Variants in POLN observed in about 807,000 individuals in gnomAD.
POLN encodes the protein DNA polymerase N.
POLN carries 108 observed loss-of-function variants against 113.5 expected under a neutral mutation model. The observed-to-expected ratio is 0.95, with a 90% confidence interval of 0.81 to 1.12. The LOEUF is 1.12. Among genes scored for constraint, POLN ranks in the 50% most tolerant of loss-of-function variants. POLN has a pLI of 0.00. For synonymous variants in POLN, 386 were observed against 391.5 expected (o/e 0.99, Z 0.17); for missense variants, 1,097 against 1,077.1 (o/e 1.02, Z -0.26).
chr4:2,208,976 G>A (rs573185963), intron 4 of POLN, among the ~76,000 whole-genome samples: 8 of 151,132 alleles, frequency 5.3e-5, no homozygotes, highest in South Asian at 2.1e-4. Context: ...TGACAAGAGC[G>A]AAACTCTGTC....
chr4:2,096,443 G>GA (rs1217730399), intron 19 of POLN, among the ~76,000 whole-genome samples: 5 of 152,102 alleles, frequency 3.3e-5, no homozygotes, highest in African/African-American at 9.7e-5. Flanking sequence ...CTCAGCATCT[G>GA]ACTGGCATGT....
intron 12 of POLN, among the ~76,000 whole-genome samples, 161 bp downstream of exon 12, chr4:2,170,937 T>C (rs530573523): frequency 6.6e-6 from 1 of 152,348 alleles, no homozygotes; most frequent in East Asian, 1.9e-4. Context: ...TTAAAGGCTT[T>C]GAAGTAATGA....
intron 13 of POLN, among the ~76,000 whole-genome samples, chr4:2,159,487 T>TA (rs1732523700): frequency 1.3e-5 from 2 of 152,182 alleles, no homozygotes; most frequent in Admixed American, 6.5e-5. Flanking sequence ...CCAGGGTAGG[T>TA]AAAATAACAT....
chr4:2,213,666 A>G (rs1734044505), intron 3 of POLN, among the ~76,000 whole-genome samples: 1 of 152,216 alleles, frequency 6.6e-6, no homozygotes, highest in Non-Finnish European at 1.5e-5. Flanking sequence ...AGGAACAATA[A>G]CAACCTGAAA....
intron 16 of POLN, among the ~76,000 whole-genome samples, chr4:2,142,012 T>A (rs1252937460): frequency 6.6e-6 from 1 of 152,176 alleles, no homozygotes; most frequent in Non-Finnish European, 1.5e-5. Context: ...TCAGCACCTC[T>A]TCCAAGCCAA....
In POLN at chr4:2,081,020, G is replaced by A; in HGVS notation, c.2325C>T (p.Leu775=). The A allele has an allele frequency of 1.2e-6, 2 of 1,613,828 alleles. No homozygotes were observed. Among genetic ancestry groups the A allele is most frequent in the Non-Finnish European group, 1.7e-6 (2 of 1,179,978 alleles). ...AGACATGGATCATGGCCAGCTTGCA[G>A]AGGTCAGCAGCGGAGCCTATGGGGC... ...NFVVQGSAAD[L]CKLAMIHVFT... is the part of the protein sequence containing the mutation. Residue 775 remains leucine, a synonymous_variant, in exon 23 of 26, where the codon CTC becomes CTT. Coordinates refer to ENST00000511885, the MANE Select transcript of POLN (RefSeq NM_181808.4).
chr4:2,156,755 C>T (rs771300828), intron 16 of POLN, 33 bp downstream of exon 16: 35 of 1,565,244 alleles, frequency 2.2e-5, no homozygotes, highest in East Asian at 6.7e-5. Context: ...AGGAAAATGG[C>T]GTTTAACAAA....
chr4:2,171,211 A>G, intron 11 of POLN, 30 bp from the exon 12 acceptor site: 1 of 1,563,550 alleles, frequency 6.4e-7, no homozygotes, highest in Non-Finnish European at 8.8e-7. Context: ...AATTAATTTC[A>G]TTCATAGTTT....
chr4:2,133,148 CA>C (rs3045447), intron 16 of POLN, among the ~76,000 whole-genome samples: 10 of 140,676 alleles, frequency 7.1e-5, no homozygotes, highest in East Asian at 2.0e-4. Context: ...TAAAAAATGG[CA>C]AAAAAAAAAA....
At chr4:2,088,931 G>T (rs1577684296) in intron 20 of POLN, 1 of 1,100,830 alleles carries the variant, frequency 9.1e-7, no homozygotes, top group East Asian at 2.6e-5. Flanking sequence ...AAAAGCTGAA[G>T]GTCTAGCAGC....
chr4:2,215,713 C>T (rs1318026165), intron 3 of POLN, among the ~76,000 whole-genome samples: 2 of 152,210 alleles, frequency 1.3e-5, no homozygotes, highest in Admixed American at 1.3e-4. Flanking sequence ...CCACACTGCA[C>T]TGCTCATAGC....
chr4:2,159,359 A>T (rs1732521009), intron 13 of POLN, 148 bp from the exon 14 acceptor site: 2 of 678,710 alleles, frequency 2.9e-6, no homozygotes, highest in Non-Finnish European at 4.9e-6. Context: ...AAGTTTATCA[A>T]GTGTCTTAAT....
At chr4:2,112,812 G>A (rs1299310182) in intron 19 of POLN, among the ~76,000 whole-genome samples, 1 of 152,196 alleles carries the variant, frequency 6.6e-6, no homozygotes, top group African/African-American at 2.4e-5. Context: ...TTCAACCATT[G>A]TGGAAGTCAG....
At chr4:2,188,703 C>T (rs553040443) in intron 7 of POLN, among the ~76,000 whole-genome samples, 2 of 152,040 alleles carry the variant, frequency 1.3e-5, no homozygotes, top group East Asian at 1.9e-4. Flanking sequence ...AAAGTAAATA[C>T]ACAGACAAAC....
intron 19 of POLN, among the ~76,000 whole-genome samples, chr4:2,096,689 A>AGAGAGG: frequency 2.7e-5 from 2 of 75,066 alleles, no homozygotes; most frequent in Non-Finnish European, 5.5e-5. Context: ...CGAGAGAAAG[A>AGAGAGG]GAGAGAGAGA....
chr4:2,241,920 G>A (rs1249317107), intron 1 of POLN, 130 bp from the exon 2 acceptor site: 2 of 985,408 alleles, frequency 2.0e-6, no homozygotes, highest in Non-Finnish European at 2.4e-6. Context: ...TCCCCGGGCA[G>A]CTGCTGGAGC....
At chr4:2,167,166 G>A (rs112434033) in intron 13 of POLN, among the ~76,000 whole-genome samples, 2 of 152,088 alleles carry the variant, frequency 1.3e-5, no homozygotes, top group African/African-American at 4.8e-5. Flanking sequence ...CCCAGCAGTG[G>A]GTCAGTGCAC....
intron 4 of POLN, among the ~76,000 whole-genome samples, chr4:2,210,901 A>G (rs1285379832): frequency 6.7e-6 from 1 of 148,630 alleles, no homozygotes; most frequent in Non-Finnish European, 1.5e-5. Flanking sequence ...TGCCTTGGTG[A>G]CAGAGACTCC....
rs753451192 is a variant in POLN, at chr4:2,229,166, C to T, written c.66G>A (p.Gln22=). 2.5e-6 allele frequency: 4 copies of T among 1,610,710 alleles called. 1 individual carries two copies. In the South Asian group the frequency reaches 4.4e-5, roughly 18 times the overall value. ...LCNTPLSSVA[Q]KIMSAMHSGD... is the part of the protein sequence containing the mutation. ...CTGAATGCATAGCAGACATAATCTTCTGAGCAACACTGGAGAGCGGTGTAT... is the reference window on the plus strand; with the variant it reads ...CTGAATGCATAGCAGACATAATCTTTTGAGCAACACTGGAGAGCGGTGTAT... The change falls in exon 3 of 26, where the codon CAG becomes CAA. Residue 22 remains glutamine, a synonymous_variant. Transcript: ENST00000511885.
Sources: allele counts gnomAD v4.1 joint callset (sites outside exome capture counted in the v4.1 genomes callset), GRCh38; gene constraint gnomAD v4.1.1; transcripts MANE v1.5; gene names NCBI Gene and HGNC (gene_info 2026-07-23, HGNC 2026-07-21).